Variants in INPP4B observed in about 807,000 individuals in gnomAD.
INPP4B encodes the protein inositol polyphosphate 4-phosphatase type II.
Under a neutral mutation model 122.5 loss-of-function variants are expected in INPP4B, and 55 were observed. That is an observed-to-expected ratio of 0.45 (90% CI 0.36 to 0.56). The LOEUF (loss-of-function observed/expected upper bound fraction) is 0.56, where lower values mean the gene tolerates loss of function less well. Ranked by LOEUF, INPP4B falls within the 20% of genes least tolerant of loss-of-function variation. INPP4B has a pLI of 0.00. For synonymous variants in INPP4B, 403 were observed against 388.7 expected (o/e 1.04, Z -0.43); for missense variants, 1,000 against 1,097.7 (o/e 0.91, Z 1.26).
chr4:142,230,379 C>A (rs1853660693), intron 12 of INPP4B, among the ~76,000 whole-genome samples: 1 of 152,098 alleles, frequency 6.6e-6, no homozygotes, highest in Non-Finnish European at 1.5e-5. Context: ...GGAGCGGTGG[C>A]TCACATCTGT....
chr4:142,531,943 T>C (rs1015772677), intron 2 of INPP4B, among the ~76,000 whole-genome samples: 5 of 152,188 alleles, frequency 3.3e-5, no homozygotes, highest in Non-Finnish European at 7.4e-5. Context: ...AATTTCACCA[T>C]GTTAATTTTA....
At chr4:142,246,015 T>C (rs552997748) in intron 11 of INPP4B, among the ~76,000 whole-genome samples, 34 of 141,406 alleles carry the variant, frequency 2.4e-4, no homozygotes, top group Non-Finnish European at 4.3e-4. Context: ...TATACACACA[T>C]GTGTGTATGT....
intron 25 of INPP4B, among the ~76,000 whole-genome samples, chr4:142,063,985 A>G (rs1464452030): frequency 6.6e-6 from 1 of 152,194 alleles, no homozygotes; most frequent in African/African-American, 2.4e-5. Flanking sequence ...TGCATAATGG[A>G]AGGTTATAAC....
chr4:142,227,869 A>G (rs1275507382), intron 12 of INPP4B, among the ~76,000 whole-genome samples: 1 of 150,314 alleles, frequency 6.7e-6, no homozygotes, highest in Non-Finnish European at 1.5e-5. Flanking sequence ...AAAAAAAAAA[A>G]AAAAAAAAAA....
At chr4:142,370,994 G>A (rs1002138388) in intron 7 of INPP4B, among the ~76,000 whole-genome samples, 1 of 152,024 alleles carries the variant, frequency 6.6e-6, no homozygotes, top group Non-Finnish European at 1.5e-5. Context: ...TGACCAAAGA[G>A]AACAAAGCTG....
chr4:142,405,462 G>A, intron 5 of INPP4B, 138 bp from the exon 6 acceptor site: 1 of 628,250 alleles, frequency 1.6e-6, no homozygotes, highest in Non-Finnish European at 2.9e-6. Flanking sequence ...TACAGAGGAA[G>A]TCCCTTGGAA....
In INPP4B at chr4:142,758,811, G is replaced by A. The variant is rs1770874717; in HGVS notation, c.-253-32910C>T. Among the ~76,000 whole-genome samples, 4 of 152,030 alleles carry A rather than the reference G, an allele frequency of 2.6e-5. No individual in the cohort carries two copies. In the South Asian group the frequency reaches 8.3e-4, roughly 32 times the overall value. On this transcript the variant is annotated intron_variant, in intron 1 of 25. Coordinates refer to ENST00000262992, the MANE Select transcript of INPP4B (RefSeq NM_001101669.3). ...CTTCTAAAAACACAAACATTAGCCGGGTGTGGCAGTGTACACTTGTAGTTC... is the reference window on the plus strand; with the variant it reads ...CTTCTAAAAACACAAACATTAGCCGAGTGTGGCAGTGTACACTTGTAGTTC...
chr4:142,367,934 C>T (rs137874752), intron 7 of INPP4B, among the ~76,000 whole-genome samples: 2,367 of 152,232 alleles, frequency 0.016, 32 homozygotes, highest in Middle Eastern at 0.044. Flanking sequence ...GGAAATATTA[C>T]ATGCCAAACT....
chr4:142,447,649 A>AG (rs1813192592), intron 3 of INPP4B, among the ~76,000 whole-genome samples: 4 of 152,226 alleles, frequency 2.6e-5, no homozygotes, highest in Admixed American at 2.6e-4. Flanking sequence ...CCTGAGGACT[A>AG]GGGAAAGACT....
chr4:142,799,158 A>G (rs947114410), intron 1 of INPP4B, among the ~76,000 whole-genome samples: 6 of 152,058 alleles, frequency 3.9e-5, no homozygotes, highest in African/African-American at 1.4e-4. Flanking sequence ...CTCCGTTAAA[A>G]GCTTTAAGAC....
rs954994140 is a variant in INPP4B at position 142,554,433 on chromosome 4, C to T, written c.-190-91707G>A. On this transcript the variant is annotated intron_variant, in intron 2 of 25. Coordinates refer to ENST00000262992, the MANE Select transcript of INPP4B (RefSeq NM_001101669.3). ...TTGGTCTCCCATACCTACTCTTGAT[C>T]TCCTCAAATCAGTAGGAATATAAAG... Among the ~76,000 whole-genome samples the T allele has an allele frequency of 2.6e-5, 4 of 151,240 alleles. No individual in the cohort carries two copies. In the South Asian group the frequency reaches 8.4e-4, roughly 32 times the overall value.
chr4:142,486,649 T>A (rs1821234465), intron 2 of INPP4B, among the ~76,000 whole-genome samples: 1 of 152,176 alleles, frequency 6.6e-6, no homozygotes, highest in African/African-American at 2.4e-5. Flanking sequence ...CACTTACGGT[T>A]TGTGCTTTTT....
chr4:142,569,710 A>G (rs1300426368), intron 2 of INPP4B, among the ~76,000 whole-genome samples: 2 of 152,162 alleles, frequency 1.3e-5, no homozygotes, highest in Admixed American at 1.3e-4. Context: ...AGTTATCACT[A>G]ACATCCAAAT....
intron 2 of INPP4B, among the ~76,000 whole-genome samples, chr4:142,571,089 C>CAAAAA (rs374253787): frequency 3.6e-5 from 3 of 84,254 alleles, no homozygotes; most frequent in African/African-American, 7.5e-5. Flanking sequence ...TCATGTTTCT[C>CAAAAA]AAAAAAAAAA....
chr4:142,348,616 A>T (rs981880493), intron 7 of INPP4B, among the ~76,000 whole-genome samples: 4 of 152,030 alleles, frequency 2.6e-5, no homozygotes, highest in Admixed American at 1.3e-4. Context: ...AAATAAAAGA[A>T]CTTCTTTCTC....
intron 3 of INPP4B, among the ~76,000 whole-genome samples, chr4:142,458,888 G>A (rs1425916187): frequency 1.3e-5 from 2 of 152,108 alleles, no homozygotes; most frequent in Non-Finnish European, 2.9e-5. Context: ...GTAAGTTAAG[G>A]CCACAAGGAA....
chr4:142,319,174 G>C (rs529170887), intron 7 of INPP4B, among the ~76,000 whole-genome samples: 1 of 152,158 alleles, frequency 6.6e-6, no homozygotes, highest in Admixed American at 6.5e-5. Context: ...TCATGCAAGT[G>C]CATCTGCTCA....
intron 1 of INPP4B, among the ~76,000 whole-genome samples, chr4:142,822,538 G>T (rs1017411966): frequency 1.3e-5 from 2 of 152,100 alleles, no homozygotes; most frequent in Non-Finnish European, 2.9e-5. Flanking sequence ...CTGCATGCAG[G>T]GGATCTGGGA....
intron 11 of INPP4B, among the ~76,000 whole-genome samples, chr4:142,258,636 A>C (rs1162690067): frequency 2.6e-5 from 4 of 152,238 alleles, no homozygotes; most frequent in Non-Finnish European, 5.9e-5. Context: ...GAGAAATGCA[A>C]ATCAAAACCA....
Sources: gnomAD v4.1 joint callset for allele counts (sites outside exome capture counted in the v4.1 genomes callset) on GRCh38, gnomAD v4.1.1 for gene constraint, MANE v1.5 for transcripts, NCBI Gene and HGNC (gene_info 2026-07-23, HGNC 2026-07-21) for gene names.